Variants in MAP2 observed in about 807,000 individuals in gnomAD.
MAP2 encodes microtubule-associated protein 2.
Under a neutral mutation model 137.6 loss-of-function variants are expected in MAP2, and 14 were observed. That is an observed-to-expected ratio of 0.10 (90% CI 0.07 to 0.16). The LOEUF is 0.16. Among genes scored for constraint, MAP2 ranks in the 10% least tolerant of loss-of-function variants. The pLI, the probability that MAP2 is intolerant of heterozygous loss-of-function variation, is 1.00. For missense variants in MAP2, 2,088 were observed against 2,191.5 expected, an observed-to-expected ratio of 0.95 and a Z score of 0.94; for synonymous variants, 786 against 782.3, an observed-to-expected ratio of 1.00 and a Z score of -0.08.
intron 1 of MAP2, among the ~76,000 whole-genome samples, chr2:209,442,884 T>C (rs950543467): frequency 3.3e-5 from 5 of 151,666 alleles, no homozygotes; most frequent in Admixed American, 2.0e-4. Context: ...TTCAAATTTT[T>C]CTCCTTTTCA....
chr2:209,694,685 G>A lies in MAP2; in HGVS notation c.2515G>A (p.Val839Met). 6.2e-7 allele frequency: 1 copy of A among 1,614,166 alleles called. No homozygotes were observed. The highest frequency in any genetic ancestry group is 1.1e-5 in the South Asian group (1 of 91,088). Residue 839 changes from valine (V) to methionine (M), a missense_variant, in exon 8 of 16, where the codon GTG becomes ATG. Coordinates refer to ENST00000682079, the MANE Select transcript of MAP2 (RefSeq NM_001375505.1). The part of the protein sequence containing the change: ...ARRKSVPSET[V>M]VEDSRTGLPP... Reference sequence around the variant, plus strand: ...GAGGAAATCAGTCCCATCAGAGACTGTGGTTGAGGATAGTCGTACTGGCTT... The same window carrying A: ...GAGGAAATCAGTCCCATCAGAGACTATGGTTGAGGATAGTCGTACTGGCTT...
chr2:209,473,266 T>C (rs1178408575), intron 1 of MAP2, among the ~76,000 whole-genome samples: 1 of 152,262 alleles, frequency 6.6e-6, no homozygotes, highest in Non-Finnish European at 1.5e-5. Context: ...AATTATACTT[T>C]GGTGAGAAAA....
At chr2:209,454,414 A>G (rs1379461524) in intron 1 of MAP2, among the ~76,000 whole-genome samples, 1 of 151,994 alleles carries the variant, frequency 6.6e-6, no homozygotes, top group Non-Finnish European at 1.5e-5. Flanking sequence ...TGCTCATTGC[A>G]ACCTCTGCCT....
intron 2 of MAP2, among the ~76,000 whole-genome samples, chr2:209,534,621 C>T (rs1197247716): frequency 6.6e-6 from 1 of 152,186 alleles, no homozygotes; most frequent in Non-Finnish European, 1.5e-5. Context: ...TAGAAGTATT[C>T]CAAGCTCTTG....
chr2:209,560,870 A>G (rs1321397463), intron 2 of MAP2, among the ~76,000 whole-genome samples: 1 of 151,912 alleles, frequency 6.6e-6, no homozygotes, highest in Non-Finnish European at 1.5e-5. Flanking sequence ...ATACTCTCAA[A>G]TTAAAACTCT....
chr2:209,685,239 G>C (rs2056564296), intron 7 of MAP2, among the ~76,000 whole-genome samples: 1 of 151,974 alleles, frequency 6.6e-6, no homozygotes, highest in Admixed American at 6.6e-5. Context: ...CTTCAAATGA[G>C]AGTTATTTGT....
At chr2:209,710,414 C>A (rs1461663954) in intron 13 of MAP2, 160 bp downstream of exon 13, 1 of 647,644 alleles carries the variant, frequency 1.5e-6, no homozygotes, top group African/African-American at 1.8e-5. Flanking sequence ...AAGATAGCCT[C>A]TGAAATACAA....
At chr2:209,619,713 T>C (rs2090571721) in intron 3 of MAP2, among the ~76,000 whole-genome samples, 1 of 152,162 alleles carries the variant, frequency 6.6e-6, no homozygotes, top group South Asian at 2.1e-4. Flanking sequence ...TTTAAGCTGA[T>C]ATCACCAGGC....
chr2:209,569,555 T>A (rs2074052789), intron 2 of MAP2, among the ~76,000 whole-genome samples: 1 of 151,404 alleles, frequency 6.6e-6, no homozygotes, highest in Non-Finnish European at 1.5e-5. Flanking sequence ...GGATTGGGAG[T>A]AGGAATTACA....
rs879382060 is a variant in MAP2 at position 209,528,858 on chromosome 2, A to G, written c.-172+21217A>G. 2.5e-4 allele frequency among the ~76,000 whole-genome samples: 37 copies of G among 146,542 alleles called. No homozygotes were observed. In the East Asian group the frequency reaches 4.6e-3, roughly 18 times the overall value. On this transcript the variant is annotated intron_variant, in intron 2 of 15. Transcript: ENST00000682079. ...TGTATGTATATATATGTGTGTGTGT[A>G]TATGTGTGTGTATATGTATATATGT...
intron 1 of MAP2, among the ~76,000 whole-genome samples, chr2:209,455,064 C>G (rs996653057): frequency 2.6e-5 from 4 of 152,160 alleles, no homozygotes; most frequent in African/African-American, 9.7e-5. Context: ...GGGCACTAAT[C>G]ACATCATGAG....
chr2:209,516,722 C>G (rs185605615), intron 2 of MAP2, among the ~76,000 whole-genome samples: 1 of 152,046 alleles, frequency 6.6e-6, no homozygotes, highest in Non-Finnish European at 1.5e-5. Flanking sequence ...CTTAGAGACT[C>G]GAAGACCTAA....
intron 13 of MAP2, among the ~76,000 whole-genome samples, chr2:209,717,608 A>G (rs1161999046): frequency 6.6e-6 from 1 of 152,184 alleles, no homozygotes; most frequent in African/African-American, 2.4e-5. Flanking sequence ...ATGAAATTAT[A>G]ATGGTTACCA....
At chr2:209,710,473 A>AT (rs2065058861) in intron 13 of MAP2, 1 of 489,620 alleles carries the variant, frequency 2.0e-6, no homozygotes, top group Non-Finnish European at 3.6e-6. Context: ...CTGGGTAAAA[A>AT]TTTTTACCAA....
chr2:209,448,838 A>T (rs1182426681), intron 1 of MAP2, among the ~76,000 whole-genome samples: 2 of 152,128 alleles, frequency 1.3e-5, no homozygotes, highest in Non-Finnish European at 1.5e-5. Context: ...CCTTTTTCCA[A>T]ATAAGGTAAC....
At chr2:209,475,083 G>A (rs960659893) in intron 1 of MAP2, among the ~76,000 whole-genome samples, 1 of 151,868 alleles carries the variant, frequency 6.6e-6, no homozygotes, top group Admixed American at 6.6e-5. Context: ...TCTTAATCCT[G>A]CAGTCTGGAA....
In MAP2 at chr2:209,565,083, T is replaced by C. The variant is rs116776079; in HGVS notation, c.-171-14953T>C. Among the ~76,000 whole-genome samples, 987 of 152,346 alleles carry C rather than the reference T, an allele frequency of 6.5e-3. 3 individuals are homozygous for C. Among genetic ancestry groups the C allele is most frequent in the Non-Finnish European group, 8.8e-3 (602 of 68,026 alleles). On this transcript the variant is annotated intron_variant, in intron 2 of 15. Transcript: ENST00000682079. ...TCACCGCTTGGCTGCTTCACTTTCA[T>C]TAGGCTTCAAGATTACTCATAACAT...
chr2:209,476,394 T>G (rs1388870707), intron 1 of MAP2, among the ~76,000 whole-genome samples: 3 of 105,442 alleles, frequency 2.8e-5, no homozygotes, highest in African/African-American at 8.6e-5. Flanking sequence ...TTTGTTTTTC[T>G]TAGTTTTTTT....
intron 7 of MAP2, among the ~76,000 whole-genome samples, chr2:209,682,832 G>C (rs889344301): frequency 2.0e-5 from 3 of 152,094 alleles, no homozygotes; most frequent in Admixed American, 2.0e-4. Flanking sequence ...GGTCAGCTGG[G>C]GTCAGTGGCC....
Sources: allele counts gnomAD v4.1 joint callset (sites outside exome capture counted in the v4.1 genomes callset), GRCh38; gene constraint gnomAD v4.1.1; transcripts MANE v1.5; gene names NCBI Gene and HGNC (gene_info 2026-07-23, HGNC 2026-07-21).